CTSH: variants seen among roughly 807,000 people sequenced by gnomAD.
CTSH encodes cathepsin H.
A neutral mutation model predicts 56.3 loss-of-function variants in CTSH; 52 were observed. The observed-to-expected ratio is 0.92, with a 90% CI of 0.74 to 1.16. The LOEUF is 1.16. Ranked by LOEUF, CTSH falls within the 50% of genes most tolerant of loss-of-function variation. CTSH has a pLI of 0.00. For missense variants in CTSH, 406 were observed against 424.5 expected, an observed-to-expected ratio of 0.96 and a Z score of 0.38; for synonymous variants, 174 against 155.7, an observed-to-expected ratio of 1.12 and a Z score of -0.88.
intron 7 of CTSH, among the ~76,000 whole-genome samples, 188 bp from the exon 8 acceptor site, chr15:78,929,681 C>T (rs193114044): frequency 5.9e-5 from 9 of 152,232 alleles, no homozygotes; most frequent in African/African-American, 1.7e-4. Flanking sequence ...ATGAGGCCAC[C>T]GGAGTCCAAG....
chr15:78,922,948 T>C, intron 11 of CTSH, 45 bp downstream of exon 11: 2 of 1,582,340 alleles, frequency 1.3e-6, no homozygotes, highest in East Asian at 2.3e-5. Flanking sequence ...CCTCCAGGCC[T>C]GAGCAACATC....
chr15:78,937,326 G>A lies in CTSH; in HGVS notation c.221C>T (p.Thr74Ile), dbSNP rs2055196912. Residue 74 changes from threonine to isoleucine, a missense_variant, in exon 3 of 12, where the codon ACA (threonine) becomes ATA (isoleucine). Thr to Ile is a moderately conservative substitution (Grantham distance 89, BLOSUM62 -1). Transcript: ENST00000220166. ...KINAHNNGNH[T>I]FKMALNQFSD... is the part of the protein sequence containing the mutation. ...GAAGGCGTTCCACGTACTTTTAAAT[G>A]TGTGGTTCCCATTGTTGTGGGCGTT... 1 of 1,613,424 alleles carries A rather than the reference G, an allele frequency of 6.2e-7. No individual in the cohort carries two copies. The highest frequency in any genetic ancestry group is 8.5e-7 in the Non-Finnish European group (1 of 1,179,476).
At chr15:78,922,239 G>A (rs373680473) in intron 11 of CTSH, 34 bp from the exon 12 acceptor site, 143 of 1,539,100 alleles carry the variant, frequency 9.3e-5, no homozygotes, top group Middle Eastern at 1.9e-4. Flanking sequence ...CCCGGCCGGC[G>A]GTCTCCCCAC....
intron 5 of CTSH, among the ~76,000 whole-genome samples, chr15:78,933,936 G>A (rs1245574419): frequency 1.3e-5 from 2 of 152,190 alleles, no homozygotes; most frequent in Non-Finnish European, 2.9e-5. Context: ...CCTGCCTGAT[G>A]GCCCAGGATC....
rs2055369541 is a variant in CTSH, at chr15:78,944,992, G to A, written c.-11C>T. ...CAGCGTGGCCCACATCGCAGCGCTG[G>A]CGGCTTGGCTCTTGCGCTCAGGGTC... On this transcript the variant is annotated 5_prime_UTR_variant, in exon 1 of 12. Coordinates refer to ENST00000220166, the MANE Select transcript of CTSH (RefSeq NM_004390.5). 7 of 1,528,102 alleles carry A rather than the reference G, an allele frequency of 4.6e-6. No homozygotes were observed. Among genetic ancestry groups the A allele is most frequent in the Non-Finnish European group, 6.1e-6 (7 of 1,138,606 alleles). The allele number at this position is 1,528,102 out of a possible 1,614,324, so 94.7% of individuals were successfully genotyped here. A position where few individuals can be genotyped will look rare whatever the true frequency, so the allele number is the denominator to read the frequency against.
At chr15:78,928,296 G>C (rs147214329) in intron 8 of CTSH, among the ~76,000 whole-genome samples, 2 of 151,968 alleles carry the variant, frequency 1.3e-5, no homozygotes, top group Non-Finnish European at 2.9e-5. Flanking sequence ...GGCCGGGCAC[G>C]GTGGCTCACG....
intron 1 of CTSH, among the ~76,000 whole-genome samples, chr15:78,944,373 C>G (rs1376321527): frequency 2.0e-5 from 3 of 152,224 alleles, no homozygotes; most frequent in Non-Finnish European, 4.4e-5. Context: ...GTTAAAAGCG[C>G]TGTTGGTCTG....
At chr15:78,940,103 G>GT (rs1392593513) in intron 1 of CTSH, among the ~76,000 whole-genome samples, 1 of 152,102 alleles carries the variant, frequency 6.6e-6, no homozygotes, top group East Asian at 1.9e-4. Flanking sequence ...AACCTCACAT[G>GT]TACCCCCAAA....
chr15:78,929,719 T>C (rs562050991), intron 7 of CTSH, among the ~76,000 whole-genome samples: 2 of 152,184 alleles, frequency 1.3e-5, no homozygotes, highest in African/African-American at 4.8e-5. Flanking sequence ...CTCAGTGGGA[T>C]AGAGACCCCT....
intron 5 of CTSH, chr15:78,933,604 A>G: frequency 4.5e-6 from 2 of 446,088 alleles, no homozygotes; most frequent in South Asian, 1.6e-5. Flanking sequence ...GAGACAGTCA[A>G]CGAGGCAGAC....
At position 78,921,086 on chromosome 15, in the gene CTSH, T is replaced by TTATC. The variant is rs998756763; in HGVS notation, c.*1040_*1043dup. ...TCTAATAAATTAAACTATATTTGCA[T>TTATC]TATCTAAATAAGCCTTATCATGAAC... On this transcript the variant is annotated 3_prime_UTR_variant, in exon 12 of 12. Transcript: ENST00000220166. 2.0e-5 allele frequency: 3 copies of TTATC among 152,188 alleles called. No homozygotes were observed. Among genetic ancestry groups the TTATC allele is most frequent in the African/African-American group, 7.2e-5 (3 of 41,444 alleles). 9.4% of individuals were successfully genotyped at this position (152,188 alleles called of 1,614,324 possible).
intron 1 of CTSH, chr15:78,944,436 C>T (rs1238533610): frequency 6.5e-6 from 1 of 154,308 alleles, no homozygotes; most frequent in East Asian, 1.9e-4. Context: ...AACAGCCCGT[C>T]CAACCTACTC....
chr15:78,935,828 C>A, intron 3 of CTSH, 78 bp from the exon 4 acceptor site: 1 of 1,045,334 alleles, frequency 9.6e-7, no homozygotes. Context: ...AGTGATGAAA[C>A]CTCCTGTTTA....
intron 1 of CTSH, among the ~76,000 whole-genome samples, chr15:78,939,841 C>T (rs1431734152): frequency 6.6e-6 from 1 of 152,250 alleles, no homozygotes; most frequent in Non-Finnish European, 1.5e-5. Flanking sequence ...CGAGATCGTG[C>T]CACTGCACTC....
intron 6 of CTSH, chr15:78,931,862 C>A: frequency 1.6e-6 from 2 of 1,252,030 alleles, no homozygotes; most frequent in South Asian, 3.4e-5. Context: ...AGAGACCCTA[C>A]CCCCACCTGT....
intron 2 of CTSH, 31 bp from the exon 3 acceptor site, chr15:78,937,454 G>T: frequency 1.3e-6 from 2 of 1,582,018 alleles, no homozygotes; most frequent in Non-Finnish European, 1.7e-6. Context: ...AGCAAGTCAT[G>T]GAAACAGGCT....
chr15:78,936,432 GGTGT>G (rs2055178898), intron 3 of CTSH, among the ~76,000 whole-genome samples: 1 of 151,482 alleles, frequency 6.6e-6, no homozygotes, highest in African/African-American at 2.4e-5. Context: ...AGGGATTATA[GGTGT>G]GGGCCACCAC....
At position 78,932,463 on chromosome 15, in the gene CTSH, A is replaced by G; in HGVS notation, c.406-5T>C. 6.2e-7 allele frequency: 1 copy of G among 1,611,848 alleles called. No homozygotes were observed. The highest frequency in any genetic ancestry group is 1.3e-5 in the African/African-American group (1 of 75,004). On this transcript the variant is annotated splice_region_variant and splice_polypyrimidine_tract_variant and intron_variant, in intron 5 of 11. Coordinates refer to ENST00000220166, the MANE Select transcript of CTSH (RefSeq NM_004390.5). ...CCAGCAACTGCCGCAGGCACCCTGG[A>G]AAGGCCAGGGGAGAGCAGAGGACAT...
chr15:78,941,481 A>T (rs1038671887), intron 1 of CTSH, among the ~76,000 whole-genome samples: 3 of 145,162 alleles, frequency 2.1e-5, no homozygotes, highest in Admixed American at 7.1e-5. Context: ...TGACCCATAC[A>T]TCTGTGAATA....
Sources: gnomAD v4.1 joint callset for allele counts (sites outside exome capture counted in the v4.1 genomes callset) on GRCh38, gnomAD v4.1.1 for gene constraint, MANE v1.5 for transcripts, NCBI Gene and HGNC (gene_info 2026-07-23, HGNC 2026-07-21) for gene names.